Variants in FXR1 observed in about 807,000 individuals in gnomAD.
FXR1 encodes the protein FMR1 autosomal homolog 1.
Under a neutral mutation model 84.0 loss-of-function variants are expected in FXR1, and 15 were observed. That is an observed-to-expected ratio of 0.18 (90% CI 0.12 to 0.27). The LOEUF (loss-of-function observed/expected upper bound fraction) is 0.27. Ranked by LOEUF, FXR1 falls within the 10% of genes least tolerant of loss-of-function variation. The pLI is 1.00. For missense variants in FXR1, 480 were observed against 774.4 expected (o/e 0.62, Z 4.51); for synonymous variants, 245 against 250.7 (o/e 0.98, Z 0.21).
chr3:180,959,907 C>T (rs536907288), intron 10 of FXR1, among the ~76,000 whole-genome samples: 2 of 152,082 alleles, frequency 1.3e-5, no homozygotes, highest in East Asian at 3.9e-4. Context: ...ATAATTGAGT[C>T]ATATATAGAA....
intron 1 of FXR1, among the ~76,000 whole-genome samples, chr3:180,925,579 G>T (rs1033977127): frequency 6.6e-6 from 1 of 152,074 alleles, no homozygotes; most frequent in Non-Finnish European, 1.5e-5. Context: ...ACAGAAAATC[G>T]CAAGCAAACC....
intron 3 of FXR1, among the ~76,000 whole-genome samples, chr3:180,936,279 A>T (rs1720516555): frequency 6.6e-6 from 1 of 151,776 alleles, no homozygotes; most frequent in South Asian, 2.1e-4. Flanking sequence ...ACTTTATTTT[A>T]TTTTTTGAGA....
intron 3 of FXR1, among the ~76,000 whole-genome samples, chr3:180,944,871 C>T (rs1345274249): frequency 6.6e-6 from 1 of 152,268 alleles, no homozygotes; most frequent in Non-Finnish European, 1.5e-5. Flanking sequence ...GATCTGCCCA[C>T]CTCAGCCTCC....
At chr3:180,973,673 G>A (rs576496667) in intron 15 of FXR1, among the ~76,000 whole-genome samples, 8 of 152,262 alleles carry the variant, frequency 5.3e-5, no homozygotes, top group Admixed American at 3.3e-4. Flanking sequence ...CAAGATGAGC[G>A]TACTGTTTCT....
At chr3:180,944,928 T>C (rs972540380) in intron 3 of FXR1, among the ~76,000 whole-genome samples, 1 of 152,264 alleles carries the variant, frequency 6.6e-6, no homozygotes, top group Non-Finnish European at 1.5e-5. Context: ...CATGGCCTTA[T>C]TAGACATTTT....
chr3:180,927,783 A>G (rs1719406046), intron 1 of FXR1: 1 of 429,712 alleles, frequency 2.3e-6, no homozygotes, highest in Non-Finnish European at 4.1e-6. Context: ...GGAGATTTGT[A>G]TATTATTAAA....
intron 1 of FXR1, among the ~76,000 whole-genome samples, chr3:180,920,970 C>T (rs1303757621): frequency 6.6e-6 from 1 of 152,218 alleles, no homozygotes; most frequent in Non-Finnish European, 1.5e-5. Context: ...GAAATCTTCA[C>T]ATCCTCATTG....
intron 3 of FXR1, among the ~76,000 whole-genome samples, chr3:180,936,323 A>G (rs1361760167): frequency 6.6e-6 from 1 of 152,142 alleles, no homozygotes; most frequent in Non-Finnish European, 1.5e-5. Flanking sequence ...GCTGGAGTTC[A>G]ATGGAGCAAT....
At chr3:180,951,755 G>A (rs999118293) in intron 8 of FXR1, among the ~76,000 whole-genome samples, 1 of 151,516 alleles carries the variant, frequency 6.6e-6, no homozygotes, top group Non-Finnish European at 1.5e-5. Flanking sequence ...ATAATCTATC[G>A]AAGTATTTTT....
At chr3:180,946,391 T>C (rs1175751398) in intron 3 of FXR1, among the ~76,000 whole-genome samples, 2 of 152,214 alleles carry the variant, frequency 1.3e-5, no homozygotes, top group Non-Finnish European at 2.9e-5. Context: ...GATTCTACCT[T>C]ACATTTATAA....
At chr3:180,966,079 T>C (rs1056584778) in intron 13 of FXR1, among the ~76,000 whole-genome samples, 3 of 152,146 alleles carry the variant, frequency 2.0e-5, no homozygotes, top group African/African-American at 7.2e-5. Flanking sequence ...TCTTAAACAT[T>C]CTGAAAGGCT....
At chr3:180,933,470 G>A (rs1720170965) in intron 2 of FXR1, 84 bp downstream of exon 2, 1 of 759,380 alleles carries the variant, frequency 1.3e-6, no homozygotes, top group Non-Finnish European at 2.4e-6. Flanking sequence ...TACTGCCAGT[G>A]GAAAAATGAT....
intron 1 of FXR1, 46 bp downstream of exon 1, chr3:180,912,782 C>T (rs200027737): frequency 6.2e-6 from 10 of 1,613,720 alleles, no homozygotes; most frequent in East Asian, 4.5e-5. Flanking sequence ...GGTGCTGGAG[C>T]GCGTTTGAGG....
chr3:180,944,415 G>T (rs1721471204), intron 3 of FXR1, among the ~76,000 whole-genome samples: 1 of 151,232 alleles, frequency 6.6e-6, no homozygotes, highest in African/African-American at 2.4e-5. Context: ...TGACCTCCCA[G>T]TCTCAAGTGA....
intron 10 of FXR1, among the ~76,000 whole-genome samples, chr3:180,959,748 T>A (rs1217632497): frequency 6.6e-6 from 1 of 151,834 alleles, no homozygotes; most frequent in Admixed American, 6.6e-5. Flanking sequence ...GGAGTTTCCC[T>A]TGTTTCATGC....
intron 10 of FXR1, among the ~76,000 whole-genome samples, chr3:180,960,997 G>A (rs1712032031): frequency 6.6e-6 from 1 of 151,932 alleles, no homozygotes; most frequent in Non-Finnish European, 1.5e-5. Context: ...TTGAAGTTTA[G>A]TACATGTAAA....
chr3:180,940,559 G>GTTTAGT (rs896829353), intron 3 of FXR1, among the ~76,000 whole-genome samples: 5 of 148,990 alleles, frequency 3.4e-5, no homozygotes, highest in Admixed American at 1.3e-4. Context: ...GTGATAACGT[G>GTTTAGT]TTTAGTTTTT....
intron 1 of FXR1, among the ~76,000 whole-genome samples, chr3:180,919,745 C>T (rs1718348440): frequency 6.6e-6 from 1 of 152,104 alleles, no homozygotes; most frequent in South Asian, 2.1e-4. Flanking sequence ...GCAATCTCAG[C>T]TCACTGCAAC....
At position 180,948,418 on chromosome 3, in the gene FXR1, T is replaced by C; in HGVS notation, c.342T>C (p.Pro114=). 1.9e-6 allele frequency: 3 copies of C among 1,606,100 alleles called. No homozygotes were observed. Among genetic ancestry groups the C allele is most frequent in the Non-Finnish European group, 2.6e-6 (3 of 1,172,688 alleles). ...NEIVTFERLR[P]VNQNKTVKKN... Reference sequence around the variant, plus strand: ...TAGTCACATTTGAACGACTTCGGCCTGTCAATCAAAATAAAACTGTCAAAA... The same window carrying C: ...TAGTCACATTTGAACGACTTCGGCCCGTCAATCAAAATAAAACTGTCAAAA... Residue 114 remains proline, a synonymous_variant, in exon 5 of 17, where the codon CCT becomes CCC. Coordinates refer to ENST00000357559, the MANE Select transcript of FXR1 (RefSeq NM_005087.4).
Sources: allele counts gnomAD v4.1 joint callset (sites outside exome capture counted in the v4.1 genomes callset), GRCh38; gene constraint gnomAD v4.1.1; transcripts MANE v1.5; gene names NCBI Gene and HGNC (gene_info 2026-07-23, HGNC 2026-07-21).